TTC17: variants seen among roughly 807,000 people sequenced by gnomAD.
TTC17 encodes tetratricopeptide repeat protein 17.
In TTC17, 58 loss-of-function variants were observed where a neutral mutation model predicts 143.8. The ratio of observed to expected loss-of-function variants is 0.40; its 90% confidence interval spans 0.33 to 0.50. The LOEUF (loss-of-function observed/expected upper bound fraction) is 0.50. TTC17 is among the 20% of genes least tolerant of loss of function. The pLI is 0.49. For synonymous variants in TTC17, 501 were observed against 497.8 expected, an observed-to-expected ratio of 1.01 and a Z score of -0.09; for missense variants, 1,273 against 1,392.5, an observed-to-expected ratio of 0.91 and a Z score of 1.37.
rs1192928972 is a variant in TTC17, at chr11:43,484,011, G to A, written c.3031-6228G>A. On this transcript the variant is annotated intron_variant, in intron 21 of 23. Transcript: ENST00000039989. ...GCAAAAATTAGCCAGGCGTGGTGGT[G>A]CAGCCCTGTAATCCCAGCTATTCAG... 2.6e-5 allele frequency among the ~76,000 whole-genome samples: 4 copies of A among 152,138 alleles called. No homozygotes were observed. In the East Asian group the frequency reaches 5.8e-4, roughly 22 times the overall value.
chr11:43,396,271 T>C (rs1401428385), intron 5 of TTC17: 1 of 152,078 alleles, frequency 6.6e-6, no homozygotes, highest in East Asian at 1.9e-4. Flanking sequence ...AGAGTAAGCC[T>C]GTTGGTTTGT....
intron 1 of TTC17, 82 bp from the exon 2 acceptor site, chr11:43,379,151 A>G (rs1441528310): frequency 1.6e-6 from 2 of 1,269,536 alleles, no homozygotes; most frequent in Non-Finnish European, 2.3e-6. Flanking sequence ...ATGAACAATA[A>G]TTTAAAGCAT....
chr11:43,393,804 G>C (rs1392849259), intron 5 of TTC17, among the ~76,000 whole-genome samples: 2 of 152,160 alleles, frequency 1.3e-5, no homozygotes, highest in Non-Finnish European at 2.9e-5. Flanking sequence ...TAGGGACAAA[G>C]ACCAAATATA....
intron 1 of TTC17, among the ~76,000 whole-genome samples, chr11:43,371,279 A>G (rs1856558770): frequency 6.6e-6 from 1 of 152,182 alleles, no homozygotes; most frequent in African/African-American, 2.4e-5. Flanking sequence ...CAGTGGCATC[A>G]GATCCTACAG....
At chr11:43,458,996 CCA>C (rs1173935598) in intron 21 of TTC17, among the ~76,000 whole-genome samples, 2 of 152,112 alleles carry the variant, frequency 1.3e-5, no homozygotes, top group African/African-American at 4.8e-5. Context: ...TCGGTACTAT[CCA>C]CAGTTTCAGG....
intron 16 of TTC17, among the ~76,000 whole-genome samples, chr11:43,434,617 T>G (rs1018213728): frequency 1.3e-5 from 2 of 152,228 alleles, no homozygotes; most frequent in Non-Finnish European, 2.9e-5. Flanking sequence ...TTCATGTAGT[T>G]CCCCTTTTAT....
At chr11:43,485,515 TTTAA>T (rs1360973365) in intron 21 of TTC17, among the ~76,000 whole-genome samples, 1 of 152,106 alleles carries the variant, frequency 6.6e-6, no homozygotes, top group Non-Finnish European at 1.5e-5. Context: ...TATATTAAAG[TTTAA>T]TTGTTTTAAT....
chr11:43,464,758 C>G (rs1947938952), intron 21 of TTC17, among the ~76,000 whole-genome samples: 2 of 151,928 alleles, frequency 1.3e-5, no homozygotes, highest in East Asian at 3.9e-4. Flanking sequence ...AGAGAATGAT[C>G]TGCTACAATA....
chr11:43,427,520 G>A lies in TTC17; in HGVS notation c.2251+12744G>A, dbSNP rs558638939. 9.2e-5 allele frequency among the ~76,000 whole-genome samples: 14 copies of A among 152,312 alleles called. No individual in the cohort carries two copies. The South Asian group carries it at 2.7e-3, about 29-fold the overall frequency. On this transcript the variant is annotated intron_variant, in intron 16 of 23. Transcript: ENST00000039989. ...TGACTACATACATCCTGCTTTGCTA[G>A]TTTGATGAGTTAGCACTCATTGCTT...
At chr11:43,465,960 G>C (rs1203252746) in intron 21 of TTC17, among the ~76,000 whole-genome samples, 1 of 152,122 alleles carries the variant, frequency 6.6e-6, no homozygotes, top group African/African-American at 2.4e-5. Context: ...AAACTTCTGG[G>C]CATCAGAGGA....
intron 21 of TTC17, among the ~76,000 whole-genome samples, chr11:43,485,627 G>A (rs1948365087): frequency 6.6e-6 from 1 of 151,990 alleles, no homozygotes. Context: ...TAATAAAATA[G>A]AAAAATGCAT....
chr11:43,462,087 A>AT lies in TTC17; in HGVS notation c.3030+10824dup, dbSNP rs946359078. On this transcript the variant is annotated intron_variant, in intron 21 of 23. Transcript: ENST00000039989. The stretch of plus-strand genomic sequence containing the variant: ...AACTTAAGAATTAAATGTAGGCTAG[A>AT]TTAAAAAAAAAAAAAAAACGGCTAT... 3.6e-5 allele frequency among the ~76,000 whole-genome samples: 5 copies of AT among 139,652 alleles called. 1 individual carries two copies. The highest frequency in any genetic ancestry group is 6.2e-5 in the Non-Finnish European group (4 of 64,612). 91.6% of individuals were successfully genotyped at this position (139,652 alleles called of 152,430 possible).
At chr11:43,362,193 GTA>G (rs1554981555) in intron 1 of TTC17, among the ~76,000 whole-genome samples, 2 of 116,440 alleles carry the variant, frequency 1.7e-5, no homozygotes, top group African/African-American at 3.3e-5. Flanking sequence ...GTGTGTGTGT[GTA>G]TTTTTAGTAG....
At chr11:43,427,333 A>G (rs1400738249) in intron 16 of TTC17, among the ~76,000 whole-genome samples, 4 of 152,172 alleles carry the variant, frequency 2.6e-5, no homozygotes, top group Non-Finnish European at 5.9e-5. Context: ...GAATTGAGTG[A>G]AGCAGACTCA....
intron 1 of TTC17, among the ~76,000 whole-genome samples, chr11:43,377,935 G>A (rs1460279568): frequency 2.6e-5 from 4 of 151,658 alleles, no homozygotes; most frequent in Admixed American, 6.6e-5. Context: ...ACAGAGTCTC[G>A]CTCTGTTGTC....
Position 43,443,474 on chromosome 11 carries a change from C to T in TTC17, c.2401C>T (p.Arg801Cys), listed in dbSNP as rs748016727. Reference sequence around the variant, plus strand: ...GGGTGCACTAGAGATGAAAGGGCGGCGTCTAGACTTACAAGGAATACGGGT... The same window carrying T: ...GGGTGCACTAGAGATGAAAGGGCGGTGTCTAGACTTACAAGGAATACGGGT... ...FGGALEMKGR[R>C]LDLQGIRVLK... The change falls in exon 17 of 24, where the codon CGT (arginine) becomes TGT (cysteine). Residue 801 changes from arginine to cysteine, a missense_variant. Transcript: ENST00000039989. The T allele has an allele frequency of 7.4e-6, 12 of 1,613,958 alleles. No homozygotes were observed. Among genetic ancestry groups the T allele is most frequent in the Middle Eastern group, 1.6e-4 (1 of 6,084 alleles).
chr11:43,404,280 T>C, intron 11 of TTC17, 136 bp downstream of exon 11: 2 of 784,756 alleles, frequency 2.5e-6, no homozygotes. Context: ...TACATTTCTA[T>C]TAAATGGAAG....
intron 1 of TTC17, among the ~76,000 whole-genome samples, chr11:43,365,986 C>CTT (rs879674198): frequency 2.1e-5 from 3 of 144,008 alleles, no homozygotes; most frequent in African/African-American, 5.1e-5. Flanking sequence ...GATTTAAGAC[C>CTT]TTTTTTTTTT....
intron 10 of TTC17, 85 bp from the exon 11 acceptor site, chr11:43,403,913 A>T: frequency 8.4e-7 from 1 of 1,192,022 alleles, no homozygotes; most frequent in Non-Finnish European, 1.1e-6. Flanking sequence ...TTGAATATTC[A>T]CTCGCTTTTT....
Sources: allele counts gnomAD v4.1 joint callset (sites outside exome capture counted in the v4.1 genomes callset), GRCh38; gene constraint gnomAD v4.1.1; transcripts MANE v1.5; gene names NCBI Gene and HGNC (gene_info 2026-07-23, HGNC 2026-07-21).